Variants in LRRC9 observed in about 807,000 individuals in gnomAD.
LRRC9 encodes the protein leucine-rich repeat-containing protein 9.
Under a neutral mutation model 63.2 loss-of-function variants are expected in LRRC9, and 122 were observed. That is an observed-to-expected ratio of 1.93 (90% CI 1.67 to 2.24). The LOEUF (loss-of-function observed/expected upper bound fraction) is 2.24. LRRC9 is among the 30% of genes most tolerant of loss of function. The probability of loss-of-function intolerance (pLI) is 0.00; values close to 1 mark genes in which losing one functional copy is unlikely to be tolerated. For synonymous variants in LRRC9, 366 were observed against 213.1 expected, an observed-to-expected ratio of 1.72 and a Z score of -6.25; for missense variants, 1,071 against 627.7, an observed-to-expected ratio of 1.71 and a Z score of -7.55.
intron 22 of LRRC9, among the ~76,000 whole-genome samples, chr14:60,007,878 T>C (rs1889941878): frequency 6.8e-6 from 1 of 147,654 alleles, no homozygotes; most frequent in South Asian, 2.1e-4. Flanking sequence ...AGTTTGAGGC[T>C]GCAATGAGCT....
At chr14:60,065,972 T>C (rs978339265), downstream of LRRC9, among the ~76,000 whole-genome samples, 2 of 152,026 alleles carry the variant, frequency 1.3e-5, no homozygotes, top group South Asian at 4.2e-4. Flanking sequence ...AACTTTACTA[T>C]TTACTTCCAT....
rs1463067717 is a variant in LRRC9 at position 59,966,459 on chromosome 14, G to A, written c.1212-130G>A. On this transcript the variant is annotated intron_variant, in intron 10 of 31. Transcript: ENST00000445360. The surrounding 1 kb of genome is among the most constrained non-coding windows in gnomAD (Gnocchi z 4.0). ...GAATAAATAAACGGAGCCACTATAT[G>A]ATTACTGTATCTTTAGCAAAAGACA... The A allele has an allele frequency of 2.2e-6, 1 of 445,722 alleles. No individual in the cohort carries two copies. Among genetic ancestry groups the A allele is most frequent in the African/African-American group, 2.0e-5 (1 of 50,538 alleles). 27.6% of individuals were successfully genotyped at this position (445,722 alleles called of 1,614,324 possible).
chr14:60,012,199 C>G (rs1890312970), intron 23 of LRRC9, among the ~76,000 whole-genome samples: 1 of 152,054 alleles, frequency 6.6e-6, no homozygotes, highest in Non-Finnish European at 1.5e-5. Context: ...TAGTTCAAAT[C>G]CTTTATTTTA....
At chr14:60,063,436 G>T in exon 32 of LRRC9, 1 of 652,552 alleles carries the variant, frequency 1.5e-6, no homozygotes, top group Non-Finnish European at 2.7e-6. Context: ...GCGGACAGTG[G>T]TCAGTTAAAA....
At chr14:59,996,040 A>T (rs1383882728) in intron 17 of LRRC9, among the ~76,000 whole-genome samples, 1 of 152,092 alleles carries the variant, frequency 6.6e-6, no homozygotes, top group Admixed American at 6.6e-5. Flanking sequence ...GGGCCCGGGC[A>T]GAAGACAGTT....
intron 12 of LRRC9, among the ~76,000 whole-genome samples, chr14:59,973,901 A>G (rs1885815377): frequency 6.6e-6 from 1 of 152,150 alleles, no homozygotes. Flanking sequence ...TGAGATTGTG[A>G]CAAGGACAAA....
chr14:60,014,674 C>T (rs1317110547), intron 23 of LRRC9, among the ~76,000 whole-genome samples: 9 of 151,900 alleles, frequency 5.9e-5, no homozygotes, highest in Admixed American at 5.9e-4. Context: ...TGTTTTCATG[C>T]CTTTTTTCTC....
At position 60,031,785 on chromosome 14, in the gene LRRC9, G is replaced by A. The variant is rs1280877327; in HGVS notation, c.3922-210G>A. ...TATAGCCAATTTTCCATGTTAGGCT[G>A]TTATCTTTGCCAGTCATGTATTTGA... is the stretch of plus-strand genomic sequence containing the variant. On this transcript the variant is annotated intron_variant, in intron 28 of 31. Coordinates refer to ENST00000445360, the Ensembl canonical transcript of LRRC9. The surrounding 1 kb of genome is among the most constrained non-coding windows in gnomAD (Gnocchi z 4.6). Among the ~76,000 whole-genome samples, 1 of 152,036 alleles carries A rather than the reference G, an allele frequency of 6.6e-6. No homozygotes were observed. The highest frequency in any genetic ancestry group is 1.5e-5 in the Non-Finnish European group (1 of 67,956).
At chr14:59,992,266 G>A (rs1461773098) in intron 17 of LRRC9, among the ~76,000 whole-genome samples, 1 of 152,126 alleles carries the variant, frequency 6.6e-6, no homozygotes, top group Non-Finnish European at 1.5e-5. Context: ...CTGTTAGAAG[G>A]AAAACTAACA....
chr14:59,930,042 AC>A lies in LRRC9; in HGVS notation c.268-874del, dbSNP rs751208781. ...TGACAGAAATTTACCTAAATAACAA[AC>A]CTGCACATGCACCCCTGAACTTAAA... On this transcript the variant is annotated intron_variant, in intron 3 of 31. Coordinates refer to ENST00000445360, the Ensembl canonical transcript of LRRC9. This position sits in a 1 kb window ranked among gnomAD's most constrained non-coding sequence, Gnocchi z 4.9. Among the ~76,000 whole-genome samples, 138 of 152,146 alleles carry A rather than the reference AC, an allele frequency of 9.1e-4. No homozygotes were observed. Among genetic ancestry groups the A allele is most frequent in the Non-Finnish European group, 1.4e-3 (98 of 67,950 alleles).
At chr14:60,019,096 GATTA>G (rs1331576525) in intron 25 of LRRC9, 21 bp from the exon 26 acceptor site, 1 of 647,742 alleles carries the variant, frequency 1.5e-6, no homozygotes, top group East Asian at 2.8e-5. Context: ...TAGGATTTCT[GATTA>G]ATAAGATATT....
rs945541741 is a variant in LRRC9 at position 59,962,618 on chromosome 14, G to T, written c.1211+1573G>T. On this transcript the variant is annotated intron_variant, in intron 10 of 31. Coordinates refer to ENST00000445360, the Ensembl canonical transcript of LRRC9. The surrounding 1 kb of genome is among the most constrained non-coding windows in gnomAD (Gnocchi z 5.1). ...GGGTTTTGCCATGTTGGCCAGGCTG[G>T]TCTCAAACTCCTGGCCTCAAGTGAT... 6.6e-6 allele frequency among the ~76,000 whole-genome samples: 1 copy of T among 152,040 alleles called. No homozygotes were observed. The highest frequency in any genetic ancestry group is 2.4e-5 in the African/African-American group (1 of 41,390).
intron 8 of LRRC9, among the ~76,000 whole-genome samples, chr14:59,952,623 CTGTTGTTGTTAT>C (rs1199939928): frequency 6.6e-6 from 1 of 152,040 alleles, no homozygotes; most frequent in Non-Finnish European, 1.5e-5. Context: ...TACAATTTAT[CTGTTGTTGTTAT>C]TGTTGTTGTT....
At position 60,031,874 on chromosome 14, in the gene LRRC9, C is replaced by T; in HGVS notation, c.3922-121C>T. 1.6e-6 allele frequency: 1 copy of T among 609,722 alleles called. No homozygotes were observed. Among genetic ancestry groups the T allele is most frequent in the Non-Finnish European group, 2.9e-6 (1 of 342,328 alleles). 37.8% of individuals were successfully genotyped at this position (609,722 alleles called of 1,614,324 possible). A position where few individuals can be genotyped will look rare whatever the true frequency, so the allele number is the denominator to read the frequency against. On this transcript the variant is annotated intron_variant, in intron 28 of 31. Coordinates refer to ENST00000445360, the Ensembl canonical transcript of LRRC9. The surrounding 1 kb of genome is among the most constrained non-coding windows in gnomAD (Gnocchi z 4.6). ...AGAATACTGTCACTCAAGCTCACTT[C>T]AGAGAATTCAATCATGAGCTAGCTG...
At chr14:60,062,027 T>C (rs1168197267) in intron 31 of LRRC9, 2 of 398,796 alleles carry the variant, frequency 5.0e-6, no homozygotes, top group Non-Finnish European at 8.9e-6. Context: ...AAAACAAGAA[T>C]GCTGGGATTC....
chr14:59,956,335 A>G (rs1883750553), intron 8 of LRRC9, among the ~76,000 whole-genome samples: 1 of 152,034 alleles, frequency 6.6e-6, no homozygotes, highest in African/African-American at 2.4e-5. Flanking sequence ...TTGGGTGCAT[A>G]TATATTTAGG....
At position 59,930,679 on chromosome 14, in the gene LRRC9, T is replaced by C. The variant is rs1391968226; in HGVS notation, c.268-239T>C. On this transcript the variant is annotated intron_variant, in intron 3 of 31. Transcript: ENST00000445360. This position sits in a 1 kb window ranked among gnomAD's most constrained non-coding sequence, Gnocchi z 4.9. ...ATATATATGATTACAATTATAACCA[T>C]ATATAAATAGATATAGGGTTGATCA... 6.6e-6 allele frequency among the ~76,000 whole-genome samples: 1 copy of C among 151,684 alleles called. No homozygotes were observed. The highest frequency in any genetic ancestry group is 1.5e-5 in the Non-Finnish European group (1 of 67,806).
chr14:59,997,669 A>G, exon 18 of LRRC9: 1 of 696,782 alleles, frequency 1.4e-6, no homozygotes. Context: ...AACCTTGAAT[A>G]TTTGGATGCA....
chr14:60,023,473 T>C (rs1049074910), intron 27 of LRRC9, among the ~76,000 whole-genome samples: 3 of 151,964 alleles, frequency 2.0e-5, no homozygotes. Context: ...AGGACATGAC[T>C]GTGGTGTCTA....
Sources: gnomAD v4.1 joint callset for allele counts (sites outside exome capture counted in the v4.1 genomes callset) on GRCh38, gnomAD v4.1.1 for gene constraint, Gnocchi (gnomAD v3.1) non-coding constraint, MANE v1.5 for transcripts, NCBI Gene and HGNC (gene_info 2026-07-23, HGNC 2026-07-21) for gene names.